CSMD1: variants seen among roughly 807,000 people sequenced by gnomAD.
CSMD1 encodes the protein CUB and sushi domain-containing protein 1.
CSMD1 carries 213 observed loss-of-function variants against 417.5 expected under a neutral mutation model. That is an observed-to-expected ratio of 0.51 (90% CI 0.46 to 0.57). The LOEUF is 0.57. Among genes scored for constraint, CSMD1 ranks in the 20% least tolerant of loss-of-function variants. The pLI is 0.00. For synonymous variants in CSMD1, 2,862 were observed against 1,736.8 expected, an observed-to-expected ratio of 1.65 and a Z score of -16.11; for missense variants, 6,923 against 4,529.7, an observed-to-expected ratio of 1.53 and a Z score of -15.17.
At chr8:3,388,331 T>C (rs1268565380) in intron 17 of CSMD1, among the ~76,000 whole-genome samples, 2 of 152,194 alleles carry the variant, frequency 1.3e-5, no homozygotes, top group Admixed American at 1.3e-4. Flanking sequence ...ATTATGAGAG[T>C]TTCTTTTCTC....
chr8:4,131,082 G>C (rs985184018), intron 3 of CSMD1, among the ~76,000 whole-genome samples: 1 of 152,190 alleles, frequency 6.6e-6, no homozygotes, highest in African/African-American at 2.4e-5. Flanking sequence ...TCAGAGAAGT[G>C]TGATTTCTAA....
intron 7 of CSMD1, among the ~76,000 whole-genome samples, chr8:3,628,137 C>T (rs991834464): frequency 6.6e-6 from 1 of 152,122 alleles, no homozygotes; most frequent in Non-Finnish European, 1.5e-5. Context: ...ACTGTCTTCA[C>T]CTTTGTTGAC....
At chr8:4,482,638 A>T (rs1473173350) in intron 2 of CSMD1, among the ~76,000 whole-genome samples, 8 of 152,124 alleles carry the variant, frequency 5.3e-5, no homozygotes, top group Non-Finnish European at 1.2e-4. Context: ...ATTGAATGTT[A>T]TTTCTGAATT....
intron 5 of CSMD1, among the ~76,000 whole-genome samples, chr8:3,892,678 G>A (rs1018134632): frequency 6.8e-6 from 1 of 147,794 alleles, no homozygotes; most frequent in African/African-American, 2.5e-5. Context: ...GGTTCAAGGT[G>A]AATTAAGTAG....
intron 1 of CSMD1, among the ~76,000 whole-genome samples, chr8:4,791,817 C>G (rs1201054575): frequency 6.6e-6 from 1 of 152,154 alleles, no homozygotes; most frequent in Non-Finnish European, 1.5e-5. Context: ...CATTCTCTGA[C>G]ACTGACCTAC....
At chr8:3,726,860 CAAAG>C (rs1490209953) in intron 6 of CSMD1, among the ~76,000 whole-genome samples, 1 of 152,128 alleles carries the variant, frequency 6.6e-6, no homozygotes, top group Non-Finnish European at 1.5e-5. Context: ...TCTCCCTGCC[CAAAG>C]ATAGATTTCC....
At chr8:4,190,644 T>C (rs2131213162) in intron 3 of CSMD1, among the ~76,000 whole-genome samples, 1 of 152,244 alleles carries the variant, frequency 6.6e-6, no homozygotes. Context: ...ATTAGTGTTG[T>C]AATGAGACTG....
intron 3 of CSMD1, among the ~76,000 whole-genome samples, chr8:4,309,968 A>T (rs1254700857): frequency 6.6e-6 from 1 of 152,180 alleles, no homozygotes; most frequent in Non-Finnish European, 1.5e-5. Flanking sequence ...ATTTTTACAT[A>T]GTGCTTTATT....
At chr8:4,984,487 C>T (rs1039185553) in intron 1 of CSMD1, among the ~76,000 whole-genome samples, 25 of 152,322 alleles carry the variant, frequency 1.6e-4, no homozygotes, top group Admixed American at 1.4e-3. Context: ...ACCTGCTTGA[C>T]GTTTCAACTG....
intron 3 of CSMD1, among the ~76,000 whole-genome samples, chr8:4,354,239 C>G (rs761486401): frequency 1.1e-4 from 17 of 152,168 alleles, no homozygotes; most frequent in Non-Finnish European, 2.1e-4. Context: ...TTCCACCTTA[C>G]CAACAACATT....
chr8:3,705,033 T>G (rs1368322726), intron 7 of CSMD1, among the ~76,000 whole-genome samples: 1 of 152,194 alleles, frequency 6.6e-6, no homozygotes, highest in African/African-American at 2.4e-5. Context: ...GAACATTTTC[T>G]ATCACCATGA....
intron 5 of CSMD1, among the ~76,000 whole-genome samples, chr8:3,979,052 C>T (rs1428380387): frequency 2.0e-5 from 3 of 152,184 alleles, no homozygotes; most frequent in Non-Finnish European, 4.4e-5. Flanking sequence ...CAAGAAGTTT[C>T]CTCCTTTCCT....
chr8:4,107,981 C>T (rs1002747908), intron 3 of CSMD1, among the ~76,000 whole-genome samples: 1 of 151,324 alleles, frequency 6.6e-6, no homozygotes, highest in African/African-American at 2.4e-5. Context: ...GACCGGGGAG[C>T]TTAGAGAAGT....
intron 3 of CSMD1, among the ~76,000 whole-genome samples, chr8:4,338,894 A>C (rs1800321103): frequency 6.6e-6 from 1 of 152,118 alleles, no homozygotes; most frequent in Admixed American, 6.6e-5. Flanking sequence ...CTTTTACTAG[A>C]ACTGACAACA....
rs71523631 is a variant in CSMD1 at position 4,430,675 on chromosome 8, C to G, written c.303-10610G>C. Among the ~76,000 whole-genome samples the G allele has an allele frequency of 8.0e-4, 121 of 152,186 alleles. 1 individual carries two copies. The highest frequency in any genetic ancestry group is 1.1e-3 in the Non-Finnish European group (75 of 68,000). On this transcript the variant is annotated intron_variant, in intron 2 of 69. Coordinates refer to ENST00000635120, the MANE Select transcript of CSMD1 (RefSeq NM_033225.6). The stretch of plus-strand genomic sequence containing the variant: ...AGTTATTTTGGGCAAGTTATAATTA[C>G]AGTGTCTGTAATAGACTATCGGAAA...
chr8:4,055,727 T>C (rs573983288), intron 3 of CSMD1, among the ~76,000 whole-genome samples: 6 of 152,142 alleles, frequency 3.9e-5, no homozygotes, highest in African/African-American at 1.4e-4. Flanking sequence ...AAATAAAAAC[T>C]TGCTGTCATC....
chr8:4,158,567 T>C (rs1410884692), intron 3 of CSMD1, among the ~76,000 whole-genome samples: 1 of 152,198 alleles, frequency 6.6e-6, no homozygotes, highest in Non-Finnish European at 1.5e-5. Context: ...AGGTTCACTA[T>C]GACAGAACAG....
intron 2 of CSMD1, among the ~76,000 whole-genome samples, chr8:4,440,736 C>G (rs1020823156): frequency 2.0e-5 from 3 of 151,984 alleles, no homozygotes; most frequent in African/African-American, 7.3e-5. Flanking sequence ...TGGTTCATGC[C>G]TATAATCCCA....
chr8:3,440,274 A>G lies in CSMD1; in HGVS notation c.1561+28438T>C, dbSNP rs1049539486. Among the ~76,000 whole-genome samples, 35 of 152,214 alleles carry G rather than the reference A, an allele frequency of 2.3e-4. 1 individual carries two copies. The highest frequency in any genetic ancestry group is 6.5e-5 in the Admixed American group (1 of 15,274). On this transcript the variant is annotated intron_variant, in intron 12 of 69. Coordinates refer to ENST00000635120, the MANE Select transcript of CSMD1 (RefSeq NM_033225.6). The stretch of plus-strand genomic sequence containing the variant: ...AGATCTTTACTCTGAGTGTCCCAAT[A>G]CATGAACATACTATATCTCTCTACT...
Sources: gnomAD v4.1 joint callset for allele counts (sites outside exome capture counted in the v4.1 genomes callset) on GRCh38, gnomAD v4.1.1 for gene constraint, MANE v1.5 for transcripts, NCBI Gene and HGNC (gene_info 2026-07-23, HGNC 2026-07-21) for gene names.